Variants in ZNF420 observed in about 807,000 individuals in gnomAD.
ZNF420 encodes zinc finger protein 420, also known as ATM and p53-associated KZNF protein.
In ZNF420, 31 loss-of-function variants were observed where a neutral mutation model predicts 44.7. That is an observed-to-expected ratio of 0.69 (90% CI 0.52 to 0.94). The LOEUF is 0.94. ZNF420 is among the 40% of genes least tolerant of loss of function. The pLI, the probability that ZNF420 is intolerant of heterozygous loss-of-function variation, is 0.00. For missense variants in ZNF420, 681 were observed against 827.9 expected (o/e 0.82, Z 2.18); for synonymous variants, 245 against 267.4 (o/e 0.92, Z 0.82).
At chr19:37,116,649 G>A (rs1219632494) in intron 4 of ZNF420, among the ~76,000 whole-genome samples, 5 of 152,168 alleles carry the variant, frequency 3.3e-5, no homozygotes, top group Admixed American at 6.5e-5. Context: ...CCGAAGCAGG[G>A]CGAGGCATTA....
At chr19:37,091,188 C>G (rs1483130298) in intron 4 of ZNF420, 67 bp downstream of exon 4, 1 of 1,419,004 alleles carries the variant, frequency 7.0e-7, no homozygotes, top group East Asian at 2.6e-5. Flanking sequence ...GCTGTTATTT[C>G]AAATTTCCTT....
intron 1 of ZNF420, among the ~76,000 whole-genome samples, chr19:37,044,257 C>T (rs954689745): frequency 6.6e-6 from 1 of 152,194 alleles, no homozygotes; most frequent in African/African-American, 2.4e-5. Context: ...TGGCTTACAT[C>T]AGGAACTCCA....
chr19:37,076,576 A>C (rs1276853726), upstream of ZNF420, among the ~76,000 whole-genome samples: 1 of 152,000 alleles, frequency 6.6e-6, no homozygotes, highest in Non-Finnish European at 1.5e-5. Flanking sequence ...CCCTGTGTCC[A>C]AGTGTTCTCA....
chr19:37,054,197 G>A (rs1432301813), intron 1 of ZNF420, among the ~76,000 whole-genome samples: 3 of 152,224 alleles, frequency 2.0e-5, no homozygotes, highest in Non-Finnish European at 4.4e-5. Context: ...CATTTGCTAA[G>A]GCCGTTGGAA....
chr19:37,060,801 C>A (rs961620057), intron 1 of ZNF420, among the ~76,000 whole-genome samples: 3 of 152,072 alleles, frequency 2.0e-5, no homozygotes, highest in African/African-American at 4.8e-5. Context: ...CTTCCTGTCT[C>A]ATTCTTGAGG....
intron 1 of ZNF420, among the ~76,000 whole-genome samples, chr19:37,070,461 A>C (rs1968040476): frequency 6.6e-6 from 1 of 152,204 alleles, no homozygotes; most frequent in Non-Finnish European, 1.5e-5. Context: ...TTGTTAAAAG[A>C]TCCCTATTGT....
At chr19:37,052,159 G>T (rs1022878970) in intron 1 of ZNF420, among the ~76,000 whole-genome samples, 1 of 152,100 alleles carries the variant, frequency 6.6e-6, no homozygotes, top group Non-Finnish European at 1.5e-5. Context: ...TTTAAAGTCT[G>T]TTTTATCAGA....
intron 4 of ZNF420, among the ~76,000 whole-genome samples, chr19:37,107,883 A>T (rs1226067906): frequency 3.3e-5 from 5 of 152,108 alleles, no homozygotes; most frequent in Non-Finnish European, 7.3e-5. Context: ...TTAATTTGGA[A>T]ATGTCTAAAG....
chr19:37,008,843 A>G (rs756694742), intron 1 of ZNF420, among the ~76,000 whole-genome samples: 1 of 152,118 alleles, frequency 6.6e-6, no homozygotes, highest in Non-Finnish European at 1.5e-5. Flanking sequence ...GTCTGCCTCA[A>G]TGTCTTCAAC....
Position 37,104,034 on chromosome 19 carries a change from GGTTT to G in ZNF420, c.136+12917_136+12920del, listed in dbSNP as rs1969931639. The stretch of plus-strand genomic sequence containing the variant: ...CTAGGGTACATGTGCACAACGTGCA[GGTTT>G]GTTACATATGTATACATGTGCCATG... On this transcript the variant is annotated intron_variant, in intron 4 of 4. Coordinates refer to ENST00000337995, the MANE Select transcript of ZNF420 (RefSeq NM_144689.5). Among the ~76,000 whole-genome samples, 5 of 150,238 alleles carry G rather than the reference GGTTT, an allele frequency of 3.3e-5. 1 individual carries two copies. The South Asian group carries it at 8.4e-4, about 25-fold the overall frequency.
intron 2 of ZNF420, among the ~76,000 whole-genome samples, chr19:37,082,812 C>T (rs1968538599): frequency 6.6e-6 from 1 of 152,142 alleles, no homozygotes; most frequent in African/African-American, 2.4e-5. Context: ...TGCAGTTATG[C>T]TCATTTGTTT....
chr19:37,015,077 C>G (rs952999308), intron 1 of ZNF420, among the ~76,000 whole-genome samples: 3 of 152,230 alleles, frequency 2.0e-5, no homozygotes, highest in African/African-American at 7.2e-5. Context: ...AGAGCAGAAC[C>G]ACGCAGCCTC....
chr19:37,058,218 C>T (rs1324815297), intron 1 of ZNF420, among the ~76,000 whole-genome samples: 2 of 152,142 alleles, frequency 1.3e-5, no homozygotes, highest in East Asian at 3.9e-4. Flanking sequence ...CTGGTTGATT[C>T]GGCCGGTTTG....
In ZNF420 at chr19:37,127,558, T is replaced by C; in HGVS notation, c.567T>C (p.His189=). 6.2e-7 allele frequency: 1 copy of C among 1,614,038 alleles called. No homozygotes were observed. The highest frequency in any genetic ancestry group is 2.2e-5 in the East Asian group (1 of 44,872). ...DSQLSLHQRL[H]TGEKPYACKE... ...AACTCAGTCTTCATCAGAGACTTCA[T>C]ACTGGTGAGAAACCCTATGCATGTA... Residue 189 remains histidine, a synonymous_variant, in exon 5 of 5, where the codon CAT becomes CAC. Transcript: ENST00000337995.
chr19:37,091,339 G>A (rs1437969551), intron 4 of ZNF420: 3 of 329,856 alleles, frequency 9.1e-6, no homozygotes, highest in Non-Finnish European at 1.6e-5. Flanking sequence ...CATCTTCCCT[G>A]ATGAACAAAG....
intron 1 of ZNF420, among the ~76,000 whole-genome samples, chr19:37,015,440 C>T (rs2074602799): frequency 1.3e-5 from 2 of 152,176 alleles, no homozygotes; most frequent in South Asian, 4.1e-4. Flanking sequence ...TCCTGTGGCA[C>T]ATCCAGGGCT....
chr19:37,085,269 A>ACGG (rs1420912431), intron 2 of ZNF420, among the ~76,000 whole-genome samples: 1 of 152,196 alleles, frequency 6.6e-6, no homozygotes, highest in African/African-American at 2.4e-5. Context: ...TTGTAATTTA[A>ACGG]TAATATGTGG....
At chr19:37,089,380 T>G (rs1451025725) in intron 3 of ZNF420, among the ~76,000 whole-genome samples, 1 of 152,288 alleles carries the variant, frequency 6.6e-6, no homozygotes, top group South Asian at 2.1e-4. Context: ...CTAACAAAAG[T>G]AGAGTTCCCT....
intron 1 of ZNF420, among the ~76,000 whole-genome samples, chr19:37,018,679 TGCCTCA>T (rs2074625058): frequency 6.6e-6 from 1 of 152,228 alleles, no homozygotes; most frequent in South Asian, 2.1e-4. Context: ...GTAATTCTCC[TGCCTCA>T]GCCTCCTGAG....
Sources: gnomAD v4.1 joint callset for allele counts (sites outside exome capture counted in the v4.1 genomes callset) on GRCh38, gnomAD v4.1.1 for gene constraint, MANE v1.5 for transcripts, NCBI Gene and HGNC (gene_info 2026-07-23, HGNC 2026-07-21) for gene names.